The following NBAS variants were observed in gnomAD, a reference collection of about 807,000 sequenced individuals.
NBAS encodes the protein NAG/BC035112 fusion.
NBAS carries 219 observed loss-of-function variants against 302.5 expected under a neutral mutation model. The ratio of observed to expected loss-of-function variants is 0.72; its 90% confidence interval spans 0.65 to 0.81. The LOEUF (loss-of-function observed/expected upper bound fraction) is 0.81, where lower values mean the gene tolerates loss of function less well. NBAS is among the 30% of genes least tolerant of loss of function. The pLI, the probability that NBAS is intolerant of heterozygous loss-of-function variation, is 0.00. For missense variants in NBAS, 2,932 were observed against 2,841.6 expected (o/e 1.03, Z -0.72); for synonymous variants, 1,118 against 1,021.6 (o/e 1.09, Z -1.80).
chr2:15,428,048 A>C (rs1317244798), intron 21 of NBAS, among the ~76,000 whole-genome samples: 2 of 152,238 alleles, frequency 1.3e-5, no homozygotes, highest in African/African-American at 2.4e-5. Flanking sequence ...GAAGGTATGG[A>C]TAAGTTTTCA....
the NBAS span, among the ~76,000 whole-genome samples, chr2:14,838,110 G>A: frequency 1.3e-5 from 2 of 151,750 alleles, no homozygotes; most frequent in South Asian, 4.2e-4. Context: ...TTTTGAATCT[G>A]TCACCTGATA....
chr2:14,971,256 C>T, the NBAS span, among the ~76,000 whole-genome samples: 1 of 152,090 alleles, frequency 6.6e-6, no homozygotes, highest in Non-Finnish European at 1.5e-5. Context: ...GTGGCTCATG[C>T]CTGTAATCAC....
intron 3 of NBAS, among the ~76,000 whole-genome samples, chr2:15,555,244 A>G (rs1006433709): frequency 6.6e-6 from 1 of 150,932 alleles, no homozygotes; most frequent in African/African-American, 2.5e-5. Context: ...CCTGACCAAC[A>G]CAATAAGACC....
intron 6 of NBAS, among the ~76,000 whole-genome samples, chr2:15,544,763 G>A (rs772837175): frequency 1.7e-4 from 26 of 152,346 alleles, no homozygotes; most frequent in East Asian, 7.7e-4. Flanking sequence ...TGTAATCCCA[G>A]CACTTTGAGA....
intron 51 of NBAS, among the ~76,000 whole-genome samples, chr2:15,177,785 G>A (rs1664620738): frequency 6.6e-6 from 1 of 152,162 alleles, no homozygotes; most frequent in African/African-American, 2.4e-5. Flanking sequence ...GCATAGATAG[G>A]TGGGAGGGCT....
the NBAS span, among the ~76,000 whole-genome samples, chr2:14,782,365 T>A: frequency 6.6e-6 from 1 of 152,090 alleles, no homozygotes; most frequent in African/African-American, 2.4e-5. Context: ...AAAAGCTCAA[T>A]ATCACTGATC....
chr2:14,892,973 T>G, the NBAS span, among the ~76,000 whole-genome samples: 5,779 of 152,292 alleles, frequency 0.038, 135 homozygotes, highest in Non-Finnish European at 0.051. Context: ...CTAGAATAAT[T>G]TACTTAATAT....
intron 24 of NBAS, among the ~76,000 whole-genome samples, chr2:15,416,327 G>T (rs1432576386): frequency 1.3e-5 from 2 of 152,024 alleles, no homozygotes; most frequent in Non-Finnish European, 2.9e-5. Flanking sequence ...AATTCCAAAT[G>T]ACAGAGATAG....
chr2:15,006,096 C>T, the NBAS span, among the ~76,000 whole-genome samples: 1 of 152,078 alleles, frequency 6.6e-6, no homozygotes, highest in Non-Finnish European at 1.5e-5. Flanking sequence ...AATAGTGACT[C>T]AATAAGTTTA....
chr2:15,429,051 A>G (rs199804492), intron 21 of NBAS, among the ~76,000 whole-genome samples: 7 of 147,908 alleles, frequency 4.7e-5, no homozygotes, highest in African/African-American at 1.7e-4. Context: ...AAAAAAAAAA[A>G]GAATAAATTT....
the NBAS span, among the ~76,000 whole-genome samples, chr2:15,027,328 C>A: frequency 2.0e-5 from 3 of 151,818 alleles, no homozygotes; most frequent in Non-Finnish European, 4.4e-5. Context: ...ACATTTACTG[C>A]CTTTATTATT....
chr2:14,881,709 T>C, the NBAS span, among the ~76,000 whole-genome samples: 3 of 152,218 alleles, frequency 2.0e-5, no homozygotes, highest in African/African-American at 4.8e-5. Context: ...TTTGTTTTCA[T>C]GGAACACAGC....
At chr2:15,519,738 T>A (rs1662573211) in intron 9 of NBAS, among the ~76,000 whole-genome samples, 1 of 152,142 alleles carries the variant, frequency 6.6e-6, no homozygotes, top group African/African-American at 2.4e-5. Flanking sequence ...AGCCACTGTA[T>A]GCAGCCAAGA....
intron 48 of NBAS, among the ~76,000 whole-genome samples, chr2:15,216,535 T>C (rs1314151352): frequency 6.6e-6 from 1 of 152,224 alleles, no homozygotes; most frequent in African/African-American, 2.4e-5. Context: ...ACAAGCCAAG[T>C]TGCCTTAAGT....
At chr2:15,289,583 G>A (rs1019126205) in intron 41 of NBAS, among the ~76,000 whole-genome samples, 2 of 152,118 alleles carry the variant, frequency 1.3e-5, no homozygotes, top group Admixed American at 6.6e-5. Flanking sequence ...AGGTGGGAAG[G>A]ACCCAAACTA....
chr2:15,140,221 G>A, the NBAS span, among the ~76,000 whole-genome samples: 1 of 152,358 alleles, frequency 6.6e-6, no homozygotes, highest in South Asian at 2.1e-4. Flanking sequence ...TGAGTGACAA[G>A]CTTTCAGATA....
intron 51 of NBAS, among the ~76,000 whole-genome samples, chr2:15,170,511 T>C (rs1255568229): frequency 6.6e-6 from 1 of 152,204 alleles, no homozygotes; most frequent in Non-Finnish European, 1.5e-5. Context: ...TGACCTGCAT[T>C]GAGCTTGGGC....
chr2:15,536,075 T>C (rs1663495326), intron 8 of NBAS, among the ~76,000 whole-genome samples: 1 of 152,224 alleles, frequency 6.6e-6, no homozygotes, highest in African/African-American at 2.4e-5. Flanking sequence ...ATGCAAATTT[T>C]ACCTCAAAAG....
the NBAS span, among the ~76,000 whole-genome samples, chr2:15,025,271 T>C: frequency 1.3e-5 from 2 of 152,098 alleles, no homozygotes; most frequent in South Asian, 2.1e-4. Context: ...GATCAGATGG[T>C]TGTAGGTGTG....
Sources: allele counts gnomAD v4.1 joint callset (sites outside exome capture counted in the v4.1 genomes callset), GRCh38; gene constraint gnomAD v4.1.1; transcripts MANE v1.5; gene names NCBI Gene and HGNC (gene_info 2026-07-23, HGNC 2026-07-21).